Variants in KIF3C observed in about 807,000 individuals in gnomAD.
The protein encoded by KIF3C is kinesin-like protein KIF3C.
In KIF3C, 12 loss-of-function variants were observed where a neutral mutation model predicts 67.7. That is an observed-to-expected ratio of 0.18 (90% CI 0.11 to 0.29). The LOEUF (loss-of-function observed/expected upper bound fraction) is 0.29, where lower values mean the gene tolerates loss of function less well. Among genes scored for constraint, KIF3C ranks in the 10% least tolerant of loss-of-function variants. The pLI is 1.00. For missense variants in KIF3C, 789 were observed against 1,059.6 expected, an observed-to-expected ratio of 0.74 and a Z score of 3.55; for synonymous variants, 393 against 426.2, an observed-to-expected ratio of 0.92 and a Z score of 0.96.
chr2:25,947,719 A>G (rs1002674276), intron 5 of KIF3C, among the ~76,000 whole-genome samples: 1 of 152,156 alleles, frequency 6.6e-6, no homozygotes, highest in Admixed American at 6.5e-5. Context: ...AAAGGAGAAA[A>G]GTTTATGTAT....
chr2:25,963,146 A>ATG (rs1169305679), intron 1 of KIF3C, among the ~76,000 whole-genome samples: 6 of 92,952 alleles, frequency 6.5e-5, no homozygotes, highest in Non-Finnish European at 9.8e-5. Flanking sequence ...ATATGCATAT[A>ATG]TGTGTGTGTG....
At chr2:25,976,793 C>T (rs1664429333) in intron 1 of KIF3C, among the ~76,000 whole-genome samples, 1 of 152,160 alleles carries the variant, frequency 6.6e-6, no homozygotes, top group Non-Finnish European at 1.5e-5. Context: ...TTAAAGCAGT[C>T]ATTTAAAAAT....
At chr2:25,971,871 C>CTTTTTTTTTT (rs70950146) in intron 1 of KIF3C, among the ~76,000 whole-genome samples, 1,025 of 53,546 alleles carry the variant, frequency 0.019, 52 homozygotes, top group African/African-American at 0.027. Flanking sequence ...CCATGCCTAG[C>CTTTTTTTTTT]TTTTTTTTTT....
intron 4 of KIF3C, among the ~76,000 whole-genome samples, chr2:25,953,571 A>G (rs1463019199): frequency 6.6e-6 from 1 of 151,836 alleles, no homozygotes; most frequent in Non-Finnish European, 1.5e-5. Context: ...CGTGTTAGCC[A>G]GGATAGTCTC....
In KIF3C at chr2:25,928,862, C is replaced by T; in HGVS notation, c.*116G>A. 1 of 779,750 alleles carries T rather than the reference C, an allele frequency of 1.3e-6. No homozygotes were observed. The highest frequency in any genetic ancestry group is 2.1e-6 in the Non-Finnish European group (1 of 473,858). The allele number at this position is 779,750 out of a possible 1,614,324, so 48.3% of individuals were successfully genotyped here. Reference sequence around the variant, plus strand: ...CATCTGCCAGATTCTCACCCCTGCACACACGCACACGCACATGCACGCACA... The same window carrying T: ...CATCTGCCAGATTCTCACCCCTGCATACACGCACACGCACATGCACGCACA... On this transcript the variant is annotated 3_prime_UTR_variant, in exon 8 of 8. Coordinates refer to ENST00000264712, the MANE Select transcript of KIF3C (RefSeq NM_002254.8).
chr2:25,971,116 C>T (rs1425076651), intron 1 of KIF3C, among the ~76,000 whole-genome samples: 1 of 151,628 alleles, frequency 6.6e-6, no homozygotes, highest in African/African-American at 2.4e-5. Flanking sequence ...ACTAAAAATA[C>T]AAAAAATTGG....
intron 5 of KIF3C, among the ~76,000 whole-genome samples, chr2:25,947,391 C>A (rs1193582730): frequency 6.6e-6 from 1 of 152,022 alleles, no homozygotes; most frequent in Non-Finnish European, 1.5e-5. Context: ...ACCATCCTGG[C>A]TAACATGGTG....
intron 1 of KIF3C, among the ~76,000 whole-genome samples, chr2:25,972,181 T>C (rs1407501815): frequency 1.3e-5 from 2 of 152,010 alleles, no homozygotes; most frequent in Non-Finnish European, 2.9e-5. Context: ...ACAATGAGAA[T>C]ATTGTCAAAG....
rs1663791122 is a variant in KIF3C at position 25,955,751 on chromosome 2, G to A, written c.1648-88C>T. On this transcript the variant is annotated intron_variant, in intron 2 of 7. Coordinates refer to ENST00000264712, the MANE Select transcript of KIF3C (RefSeq NM_002254.8). The surrounding 1 kb of genome is among the most constrained non-coding windows in gnomAD (Gnocchi z 5.0). ...CTCAGGGGACTGGCTCACTCTGCCTGTCTCGGGACCTGGCTTCACCATGGC... is the reference window on the plus strand; with the variant it reads ...CTCAGGGGACTGGCTCACTCTGCCTATCTCGGGACCTGGCTTCACCATGGC... The A allele has an allele frequency of 6.7e-7, 1 of 1,503,678 alleles. No individual in the cohort carries two copies. The highest frequency in any genetic ancestry group is 2.1e-4 in the Middle Eastern group (1 of 4,810). The allele number at this position is 1,503,678 out of a possible 1,614,324, so 93.1% of individuals were successfully genotyped here. A position where few individuals can be genotyped will look rare whatever the true frequency, so the allele number is the denominator to read the frequency against.
In KIF3C at chr2:25,942,918, G is replaced by C. The variant is rs1051690554; in HGVS notation, c.2006+8871C>G. Among the ~76,000 whole-genome samples, 8 of 152,276 alleles carry C rather than the reference G, an allele frequency of 5.3e-5. No individual in the cohort carries two copies. In the South Asian group the frequency reaches 6.2e-4, roughly 12 times the overall value. On this transcript the variant is annotated intron_variant, in intron 5 of 7. Transcript: ENST00000264712. ...TTTGAGAGAGAGGCACTGGTCAGAG[G>C]GTGGGATGGATGCTTAGAGCTGGAG... is the stretch of plus-strand genomic sequence containing the variant.
chr2:25,935,859 C>T (rs980123590), intron 5 of KIF3C, among the ~76,000 whole-genome samples: 2 of 151,484 alleles, frequency 1.3e-5, no homozygotes, highest in African/African-American at 2.4e-5. Flanking sequence ...GGGTGGATCA[C>T]GAGGTCAGGA....
intron 5 of KIF3C, among the ~76,000 whole-genome samples, chr2:25,939,021 C>T (rs988361449): frequency 6.6e-6 from 1 of 152,052 alleles, no homozygotes; most frequent in Non-Finnish European, 1.5e-5. Context: ...TCCCTCCCTT[C>T]CTCACTCTGT....
At chr2:25,949,629 T>C (rs1324624519) in intron 5 of KIF3C, among the ~76,000 whole-genome samples, 1 of 152,070 alleles carries the variant, frequency 6.6e-6, no homozygotes, top group Admixed American at 6.5e-5. Flanking sequence ...GTGGCACTAC[T>C]ACATCCAATG....
rs2090440653 is a variant in KIF3C, at chr2:25,929,570, G to A, written c.2116-93C>T. 16 of 1,060,928 alleles carry A rather than the reference G, an allele frequency of 1.5e-5. No individual in the cohort carries two copies. The Admixed American group carries it at 3.1e-4, about 20-fold the overall frequency. 65.7% of individuals were successfully genotyped at this position (1,060,928 alleles called of 1,614,324 possible). On this transcript the variant is annotated intron_variant, in intron 6 of 7. Coordinates refer to ENST00000264712, the MANE Select transcript of KIF3C (RefSeq NM_002254.8). Reference sequence around the variant, plus strand: ...GTCTTGGGTGTAGCAGGGCTGATGAGGTGGTTAGGGGAAGCAGAGGCTGTG... The same window carrying A: ...GTCTTGGGTGTAGCAGGGCTGATGAAGTGGTTAGGGGAAGCAGAGGCTGTG...
chr2:25,927,201 T>G lies in KIF3C; in HGVS notation c.*1777A>C, dbSNP rs944985369. ...ATGCAAAGGCGATGTGTCCAAGTGA[T>G]GAATGAGGTGATACGTGCTGCTTTG... On this transcript the variant is annotated 3_prime_UTR_variant, in exon 8 of 8. Transcript: ENST00000264712. 6.6e-6 allele frequency: 1 copy of G among 152,582 alleles called. No homozygotes were observed. Among genetic ancestry groups the G allele is most frequent in the Non-Finnish European group, 1.5e-5 (1 of 68,070 alleles). The allele number at this position is 152,582 out of a possible 1,614,324, so 9.5% of individuals were successfully genotyped here. A position where few individuals can be genotyped will look rare whatever the true frequency, so the allele number is the denominator to read the frequency against.
In KIF3C at chr2:25,980,344, C is replaced by T. The variant is rs373993412; in HGVS notation, c.1545+29G>A. On this transcript the variant is annotated intron_variant, in intron 1 of 7. Coordinates refer to ENST00000264712, the MANE Select transcript of KIF3C (RefSeq NM_002254.8). The surrounding 1 kb of genome is among the most constrained non-coding windows in gnomAD (Gnocchi z 7.6). ...GCCGGGATCCCCTGCGGGGACATCT[C>T]GAGTGCCCAGCTCCTCTGGGGCCCT... is the stretch of plus-strand genomic sequence containing the variant. The T allele has an allele frequency of 2.4e-5, 37 of 1,572,016 alleles. No individual in the cohort carries two copies. The highest frequency in any genetic ancestry group is 3.0e-5 in the Non-Finnish European group (34 of 1,152,074).
intron 1 of KIF3C, among the ~76,000 whole-genome samples, chr2:25,972,656 C>A (rs1664311791): frequency 6.6e-6 from 1 of 152,164 alleles, no homozygotes; most frequent in South Asian, 2.1e-4. Flanking sequence ...GTGGATGGAA[C>A]CAGATCAGCT....
intron 5 of KIF3C, among the ~76,000 whole-genome samples, chr2:25,936,038 C>A (rs138127732): frequency 6.6e-6 from 1 of 151,198 alleles, no homozygotes; most frequent in Non-Finnish European, 1.5e-5. Context: ...AGTGAGCCAA[C>A]ATCACGCCAC....
chr2:25,938,773 C>A (rs1663208387), intron 5 of KIF3C, among the ~76,000 whole-genome samples: 1 of 152,042 alleles, frequency 6.6e-6, no homozygotes, highest in African/African-American at 2.4e-5. Flanking sequence ...TTATGCACCC[C>A]TCCCTTTAAG....
Sources: allele counts gnomAD v4.1 joint callset (sites outside exome capture counted in the v4.1 genomes callset), GRCh38; gene constraint gnomAD v4.1.1; non-coding constraint Gnocchi (gnomAD v3.1); transcripts MANE v1.5; gene names NCBI Gene and HGNC (gene_info 2026-07-23, HGNC 2026-07-21).